XRCC5: variants seen among roughly 807,000 people sequenced by gnomAD.
XRCC5 encodes DNA repair protein Ku80.
In XRCC5, 12 loss-of-function variants were observed where a neutral mutation model predicts 95.7. That is an observed-to-expected ratio of 0.13 (90% CI 0.08 to 0.20). The LOEUF is 0.20. XRCC5 is among the 10% of genes least tolerant of loss of function. XRCC5 has a pLI of 1.00. For synonymous variants in XRCC5, 281 were observed against 290.3 expected (o/e 0.97, Z 0.33); for missense variants, 595 against 873.9 (o/e 0.68, Z 4.02).
At chr2:216,199,810 C>T (rs2302891) in intron 19 of XRCC5, among the ~76,000 whole-genome samples, 47,669 of 119,940 alleles carry the variant, frequency 0.4, 9,399 homozygotes, top group East Asian at 0.74. Flanking sequence ...GCATTGGGAT[C>T]TTTTTTTTTT....
intron 2 of XRCC5, 34 bp from the exon 3 acceptor site, chr2:216,116,625 A>T: frequency 1.9e-6 from 3 of 1,613,544 alleles, no homozygotes; most frequent in Non-Finnish European, 1.7e-6. Flanking sequence ...GATTGTTCTA[A>T]TATGGTTTTC....
chr2:216,185,113 A>G (rs62178694), intron 16 of XRCC5, among the ~76,000 whole-genome samples: 333 of 152,230 alleles, frequency 2.2e-3, no homozygotes, highest in Admixed American at 4.4e-3. Flanking sequence ...CCTGAACTCT[A>G]TTTATACCCT....
chr2:216,146,443 A>G (rs1688635339), intron 13 of XRCC5, among the ~76,000 whole-genome samples: 1 of 152,244 alleles, frequency 6.6e-6, no homozygotes, highest in African/African-American at 2.4e-5. Context: ...GCTTTGTGAT[A>G]GGAGCAGTAT....
intron 14 of XRCC5, among the ~76,000 whole-genome samples, chr2:216,157,487 C>T (rs1189288741): frequency 6.6e-6 from 1 of 152,146 alleles, no homozygotes; most frequent in East Asian, 1.9e-4. Context: ...CCTGCCTCAG[C>T]CTCCCGAAGT....
Position 216,192,678 on chromosome 2 carries a change from C to T in XRCC5, c.1984C>T (p.Leu662Phe), listed in dbSNP as rs148139476. ...GCGCTTTAACAACTTCCTGAAAGCC[C>T]TTCAAGAGAAAGTGGAAATTAAACA... ...EQRFNNFLKA[L>F]QEKVEIKQLN... Residue 662 changes from leucine (L) to phenylalanine (F), a missense_variant, in exon 18 of 21, where the codon CTT becomes TTT. Physicochemically the swap from Leu to Phe is conservative, Grantham distance 22. This residue lies in a region of XRCC5 where 309 missense variants were observed against 382.9 expected (regional missense o/e 0.81). Coordinates refer to ENST00000392132, the MANE Select transcript of XRCC5 (RefSeq NM_021141.4). 9 of 1,600,822 alleles carry T rather than the reference C, an allele frequency of 5.6e-6. No individual in the cohort carries two copies. Among genetic ancestry groups the T allele is most frequent in the Non-Finnish European group, 7.7e-6 (9 of 1,172,952 alleles).
intron 5 of XRCC5, 152 bp from the exon 6 acceptor site, chr2:216,121,910 A>C: frequency 1.5e-6 from 1 of 667,774 alleles, no homozygotes; most frequent in South Asian, 2.8e-5. Flanking sequence ...GTCACTTGAA[A>C]CTGGGAGAAT....
chr2:216,154,393 G>C (rs975831344), intron 14 of XRCC5, among the ~76,000 whole-genome samples: 4 of 152,218 alleles, frequency 2.6e-5, no homozygotes, highest in Non-Finnish European at 5.9e-5. Flanking sequence ...TAATTTAAAT[G>C]TGTGTAACAT....
At chr2:216,194,638 A>C (rs1053607647) in intron 18 of XRCC5, among the ~76,000 whole-genome samples, 8 of 152,210 alleles carry the variant, frequency 5.3e-5, no homozygotes, top group Non-Finnish European at 1.2e-4. Context: ...TTATAGTTTT[A>C]TATTTTTTGT....
chr2:216,113,708 A>G (rs1055502972), intron 2 of XRCC5, among the ~76,000 whole-genome samples: 3 of 152,204 alleles, frequency 2.0e-5, no homozygotes, highest in East Asian at 1.9e-4. Flanking sequence ...GCTCACTCAC[A>G]TGGCTGGAAG....
chr2:216,124,874 AT>A (rs559163618), intron 6 of XRCC5, among the ~76,000 whole-genome samples: 13 of 152,174 alleles, frequency 8.5e-5, no homozygotes, highest in African/African-American at 3.1e-4. Context: ...GTTGTGTTTG[AT>A]TATGGGCCAG....
chr2:216,127,611 G>C lies in XRCC5; in HGVS notation c.874G>C (p.Glu292Gln). 1 of 1,612,162 alleles carries C rather than the reference G, an allele frequency of 6.2e-7. No individual in the cohort carries two copies. Among genetic ancestry groups the C allele is most frequent in the Non-Finnish European group, 8.5e-7 (1 of 1,179,390 alleles). Residue 292 changes from glutamate (E) to glutamine (Q), a missense_variant, in exon 8 of 21, where the codon GAA becomes CAA. Coordinates refer to ENST00000392132, the MANE Select transcript of XRCC5 (RefSeq NM_021141.4). ...CCTAAAAAAAGAAGATATACAAAAA[G>C]AAACAGTTTATTGCTTAAATGATGA... The part of the protein sequence containing the change: ...KTLKKEDIQK[E>Q]TVYCLNDDDE...
chr2:216,119,366 A>C (rs894911871), intron 5 of XRCC5, among the ~76,000 whole-genome samples: 7 of 152,230 alleles, frequency 4.6e-5, no homozygotes, highest in Non-Finnish European at 8.8e-5. Context: ...TCGTGACAAA[A>C]AGATGAAAGT....
chr2:216,184,904 C>A (rs754120816), intron 16 of XRCC5, among the ~76,000 whole-genome samples: 1 of 152,184 alleles, frequency 6.6e-6, no homozygotes, highest in African/African-American at 2.4e-5. Flanking sequence ...GTATGCCCTG[C>A]ATCTGAGGGA....
chr2:216,122,001 A>G, intron 5 of XRCC5, 61 bp from the exon 6 acceptor site: 1 of 1,411,368 alleles, frequency 7.1e-7, no homozygotes, highest in Non-Finnish European at 9.5e-7. Context: ...TCATTTTCTC[A>G]TAGCTGATGA....
intron 6 of XRCC5, among the ~76,000 whole-genome samples, 174 bp downstream of exon 6, chr2:216,122,427 A>G (rs1696826821): frequency 6.6e-6 from 1 of 152,184 alleles, no homozygotes; most frequent in Non-Finnish European, 1.5e-5. Context: ...CCCTTTTTAA[A>G]GTTTGTGTTC....
chr2:216,139,871 C>G (rs1371475983), intron 12 of XRCC5, among the ~76,000 whole-genome samples: 1 of 152,206 alleles, frequency 6.6e-6, no homozygotes, highest in Non-Finnish European at 1.5e-5. Context: ...CACTCAGGAT[C>G]TGAAACATTA....
At chr2:216,128,944 G>A (rs1464526342) in intron 8 of XRCC5, among the ~76,000 whole-genome samples, 1 of 152,216 alleles carries the variant, frequency 6.6e-6, no homozygotes, top group African/African-American at 2.4e-5. Flanking sequence ...CAGAGTCTGT[G>A]CCTGCATTCT....
At chr2:216,194,838 G>T in intron 18 of XRCC5, 81 bp from the exon 19 acceptor site, 3 of 1,258,752 alleles carry the variant, frequency 2.4e-6, no homozygotes, top group South Asian at 2.4e-5. Flanking sequence ...GCTCAAAGGT[G>T]GGAGGAGGTG....
intron 2 of XRCC5, among the ~76,000 whole-genome samples, chr2:216,114,746 A>C (rs570215858): frequency 5.9e-5 from 9 of 152,294 alleles, no homozygotes; most frequent in South Asian, 2.1e-4. Flanking sequence ...AGCAAGCTAT[A>C]ATCCTTAAGG....
Sources: allele counts gnomAD v4.1 joint callset (sites outside exome capture counted in the v4.1 genomes callset), GRCh38; gene constraint gnomAD v4.1.1; regional missense constraint gnomAD v4.1.1; transcripts MANE v1.5; gene names NCBI Gene and HGNC (gene_info 2026-07-23, HGNC 2026-07-21).